Variants in SSBP2 observed in about 807,000 individuals in gnomAD.
The protein encoded by SSBP2 is single stranded DNA binding protein 2, also known as single-stranded DNA-binding protein 2.
A neutral mutation model predicts 61.8 loss-of-function variants in SSBP2; 17 were observed. That is an observed-to-expected ratio of 0.28 (90% CI 0.19 to 0.41). SSBP2 has a LOEUF of 0.41. SSBP2 is among the 10% of genes least tolerant of loss of function. The pLI, the probability that SSBP2 is intolerant of heterozygous loss-of-function variation, is 1.00. For synonymous variants in SSBP2, 139 were observed against 141.3 expected (o/e 0.98, Z 0.12); for missense variants, 310 against 458.7 (o/e 0.68, Z 2.96).
intron 4 of SSBP2, among the ~76,000 whole-genome samples, chr5:81,601,575 T>G (rs1744363862): frequency 6.6e-6 from 1 of 152,196 alleles, no homozygotes; most frequent in Non-Finnish European, 1.5e-5. Context: ...ATGAGATCTC[T>G]CTGTATTATT....
chr5:81,745,205 T>C (rs538456084), intron 1 of SSBP2, among the ~76,000 whole-genome samples: 147 of 152,206 alleles, frequency 9.7e-4, no homozygotes, highest in Middle Eastern at 6.8e-3. Context: ...AAGAAGAGCC[T>C]CTGCTATTTC....
chr5:81,530,836 A>G (rs1203783942), intron 4 of SSBP2, among the ~76,000 whole-genome samples: 1 of 152,134 alleles, frequency 6.6e-6, no homozygotes, highest in Non-Finnish European at 1.5e-5. Flanking sequence ...ACAGAATCAT[A>G]ATTTTATGGT....
rs1033996254 is a variant in SSBP2 at position 81,414,943 on chromosome 5, T to C, written c.*5561A>G. The C allele has an allele frequency of 6.6e-6, 1 of 152,182 alleles. No homozygotes were observed. Among genetic ancestry groups the C allele is most frequent in the African/African-American group, 2.4e-5 (1 of 41,454 alleles). The allele number at this position is 152,182 out of a possible 1,614,324, so 9.4% of individuals were successfully genotyped here. ...ACTATTCCCAACACACACACACAGG[T>C]ACACGCAACATATTTAGTATGCAAA... On this transcript the variant is annotated 3_prime_UTR_variant, in exon 17 of 17. Coordinates refer to ENST00000320672, the MANE Select transcript of SSBP2 (RefSeq NM_012446.5).
At chr5:81,600,358 C>T (rs972010682) in intron 4 of SSBP2, among the ~76,000 whole-genome samples, 4 of 151,830 alleles carry the variant, frequency 2.6e-5, no homozygotes, top group South Asian at 2.1e-4. Flanking sequence ...GTCAGGAGTT[C>T]GAGACCAGCC....
intron 1 of SSBP2, among the ~76,000 whole-genome samples, chr5:81,665,632 T>C (rs1054317676): frequency 1.3e-5 from 2 of 152,142 alleles, no homozygotes; most frequent in Admixed American, 1.3e-4. Context: ...TAGCTAGGAT[T>C]ACAGGCGCCA....
At chr5:81,512,921 T>C (rs1223294035) in intron 5 of SSBP2, among the ~76,000 whole-genome samples, 1 of 152,110 alleles carries the variant, frequency 6.6e-6, no homozygotes, top group Non-Finnish European at 1.5e-5. Context: ...TTAAACGGTA[T>C]TATAAAATTA....
chr5:81,643,226 T>A (rs1488531145), intron 2 of SSBP2, among the ~76,000 whole-genome samples: 7 of 152,200 alleles, frequency 4.6e-5, no homozygotes, highest in African/African-American at 7.2e-5. Context: ...CTTGTCAATG[T>A]GGGACCTCTT....
In SSBP2 at chr5:81,437,676, GT is replaced by G. The variant is rs544978730; in HGVS notation, c.929-219del. The G allele has an allele frequency of 1.7e-3, 502 of 292,290 alleles. 1 individual carries two copies. Among genetic ancestry groups the G allele is most frequent in the Middle Eastern group, 5.3e-3 (5 of 946 alleles). 18.1% of individuals were successfully genotyped at this position (292,290 alleles called of 1,614,324 possible). A position where few individuals can be genotyped will look rare whatever the true frequency, so the allele number is the denominator to read the frequency against. Reference sequence around the variant, plus strand: ...GGAGTTCTATCCTTAGTTCCCAATCGTTTTTTTTTTATGGAAGCATGAAGAA... The same window carrying G: ...GGAGTTCTATCCTTAGTTCCCAATCGTTTTTTTTTATGGAAGCATGAAGAA... On this transcript the variant is annotated intron_variant, in intron 14 of 16. Transcript: ENST00000320672.
intron 4 of SSBP2, among the ~76,000 whole-genome samples, chr5:81,557,071 T>A (rs1385811743): frequency 6.6e-6 from 1 of 152,166 alleles, no homozygotes; most frequent in Non-Finnish European, 1.5e-5. Context: ...CTCCTTAATG[T>A]GGATAAAAAG....
intron 5 of SSBP2, among the ~76,000 whole-genome samples, chr5:81,502,995 C>T (rs1767910268): frequency 6.6e-6 from 1 of 152,028 alleles, no homozygotes; most frequent in African/African-American, 2.4e-5. Context: ...CAAACAACCC[C>T]ATTAAAAAGT....
intron 6 of SSBP2, among the ~76,000 whole-genome samples, chr5:81,483,735 A>C (rs192772889): frequency 1.2e-4 from 18 of 152,002 alleles, no homozygotes; most frequent in Admixed American, 1.1e-3. Context: ...TTGTCCCTAT[A>C]GCACAACTCA....
intron 4 of SSBP2, among the ~76,000 whole-genome samples, chr5:81,558,468 T>A (rs1219572784): frequency 6.6e-6 from 1 of 152,228 alleles, no homozygotes; most frequent in Non-Finnish European, 1.5e-5. Context: ...TCCTAACACC[T>A]GGTGCAGTCC....
chr5:81,586,736 A>C (rs1335467182), intron 4 of SSBP2, among the ~76,000 whole-genome samples: 2 of 151,980 alleles, frequency 1.3e-5, no homozygotes, highest in African/African-American at 4.8e-5. Flanking sequence ...TGATTTAGGA[A>C]GGGTTCCTGC....
At chr5:81,557,688 T>G (rs1772710591) in intron 4 of SSBP2, among the ~76,000 whole-genome samples, 1 of 152,234 alleles carries the variant, frequency 6.6e-6, no homozygotes, top group Admixed American at 6.5e-5. Flanking sequence ...TGGATTTGGT[T>G]CTTTCTTGAT....
chr5:81,475,906 A>G (rs557865125), intron 6 of SSBP2, among the ~76,000 whole-genome samples: 1 of 152,190 alleles, frequency 6.6e-6, no homozygotes, highest in East Asian at 1.9e-4. Flanking sequence ...GTGTGTATAC[A>G]CATACACACA....
intron 1 of SSBP2, among the ~76,000 whole-genome samples, chr5:81,744,404 C>A (rs181860335): frequency 2.6e-5 from 4 of 152,154 alleles, no homozygotes; most frequent in East Asian, 1.9e-4. Flanking sequence ...ATATTAATTT[C>A]AGGTAAGAGC....
At chr5:81,493,830 T>C (rs1767086452) in intron 5 of SSBP2, among the ~76,000 whole-genome samples, 1 of 152,020 alleles carries the variant, frequency 6.6e-6, no homozygotes, top group Admixed American at 6.6e-5. Context: ...ACTCCTGGGC[T>C]CAAGTGATTA....
intron 3 of SSBP2, among the ~76,000 whole-genome samples, chr5:81,633,108 CTTTTTTTTTTTTTTTT>C (rs143423636): frequency 1.2e-4 from 8 of 64,832 alleles, no homozygotes; most frequent in Admixed American, 2.3e-4. Context: ...GAGCCTCTGT[CTTTTTTTTTTTTTTTT>C]TTTTTTTTTT....
intron 5 of SSBP2, among the ~76,000 whole-genome samples, chr5:81,492,129 G>T (rs1766901546): frequency 6.6e-6 from 1 of 152,200 alleles, no homozygotes; most frequent in Non-Finnish European, 1.5e-5. Context: ...CTGTCCAAGA[G>T]ATTATGCTAA....
Sources: allele counts gnomAD v4.1 joint callset (sites outside exome capture counted in the v4.1 genomes callset), GRCh38; gene constraint gnomAD v4.1.1; transcripts MANE v1.5; gene names NCBI Gene and HGNC (gene_info 2026-07-23, HGNC 2026-07-21).